The following ANO10 variants were observed in gnomAD, a reference collection of about 807,000 sequenced individuals.
ANO10 encodes anoctamin-10.
ANO10 carries 77 observed loss-of-function variants against 74.7 expected under a neutral mutation model. That is an observed-to-expected ratio of 1.03 (90% CI 0.86 to 1.25). ANO10 has a LOEUF of 1.25. Among genes scored for constraint, ANO10 ranks in the 50% most tolerant of loss-of-function variants. The pLI, the probability that ANO10 is intolerant of heterozygous loss-of-function variation, is 0.00. For missense variants in ANO10, 721 were observed against 778.1 expected, an observed-to-expected ratio of 0.93 and a Z score of 0.87; for synonymous variants, 279 against 284.9, an observed-to-expected ratio of 0.98 and a Z score of 0.21.
At chr3:43,384,042 C>A (rs1453544053) in intron 12 of ANO10, among the ~76,000 whole-genome samples, 1 of 152,162 alleles carries the variant, frequency 6.6e-6, no homozygotes, top group African/African-American at 2.4e-5. Context: ...CCAAAAAGTT[C>A]CTAGAACTGG....
At position 43,432,481 on chromosome 3, in the gene ANO10, C is replaced by T. The variant is rs2092997629; in HGVS notation, c.1914+130G>A. 7 of 776,070 alleles carry T rather than the reference C, an allele frequency of 9.0e-6. No homozygotes were observed. The Admixed American group carries it at 1.2e-4, about 13-fold the overall frequency. The allele number at this position is 776,070 out of a possible 1,614,324, so 48.1% of individuals were successfully genotyped here. ...TTTGGTTTTGTTATGTCATCCTGAA[C>T]TGGAGTCCTCTGTATTCATTTAAAC... is the stretch of plus-strand genomic sequence containing the variant. On this transcript the variant is annotated intron_variant, in intron 12 of 12. Coordinates refer to ENST00000292246, the MANE Select transcript of ANO10 (RefSeq NM_018075.5).
chr3:43,657,242 T>C (rs2083867993), intron 1 of ANO10, among the ~76,000 whole-genome samples: 3 of 152,218 alleles, frequency 2.0e-5, no homozygotes, highest in African/African-American at 4.8e-5. Context: ...AGTCTGGGAG[T>C]AGCAATGCTC....
At chr3:43,652,796 T>C (rs377524366) in intron 1 of ANO10, among the ~76,000 whole-genome samples, 1 of 152,128 alleles carries the variant, frequency 6.6e-6, no homozygotes, top group East Asian at 1.9e-4. Flanking sequence ...TATACTTGAT[T>C]ATAAATTATT....
chr3:43,466,200 G>A (rs2075604208), intron 11 of ANO10, among the ~76,000 whole-genome samples: 1 of 151,692 alleles, frequency 6.6e-6, no homozygotes, highest in South Asian at 2.1e-4. Flanking sequence ...GTGAAACCCT[G>A]TCTCTACTAA....
intron 1 of ANO10, among the ~76,000 whole-genome samples, chr3:43,645,981 G>A (rs1301009681): frequency 1.3e-5 from 2 of 151,884 alleles, no homozygotes; most frequent in East Asian, 3.9e-4. Flanking sequence ...CTAATTTTTT[G>A]TATTTTTGGT....
chr3:43,486,274 C>T (rs1168143949), intron 11 of ANO10, among the ~76,000 whole-genome samples: 1 of 152,210 alleles, frequency 6.6e-6, no homozygotes, highest in African/African-American at 2.4e-5. Context: ...CCCCTATAAC[C>T]TGTCTTGCCA....
chr3:43,598,632 A>G lies in ANO10; in HGVS notation c.372T>C (p.Cys124=), dbSNP rs779565752. ...NNDDFLTMAE[C]QFIIKHELEN... ...CAAGTTCATGTTTGATAATGAATTG[A>G]CATTCTGCCATTGTCAGGAAATCAT... Residue 124 remains cysteine (C), a synonymous_variant, in exon 4 of 13, where the codon TGT becomes TGC. Transcript: ENST00000292246. 3.7e-6 allele frequency: 6 copies of G among 1,609,912 alleles called. No homozygotes were observed. The African/African-American group carries it at 5.3e-5, about 14-fold the overall frequency.
intron 1 of ANO10, among the ~76,000 whole-genome samples, chr3:43,652,203 G>C (rs986472569): frequency 5.3e-5 from 8 of 151,278 alleles, no homozygotes; most frequent in African/African-American, 1.9e-4. Context: ...TTTTGAAAAA[G>C]AAGAACAAAG....
chr3:43,507,770 T>C (rs1333742989), intron 11 of ANO10, among the ~76,000 whole-genome samples: 1 of 152,148 alleles, frequency 6.6e-6, no homozygotes, highest in Non-Finnish European at 1.5e-5. Context: ...GGGGCCGTTC[T>C]GTCACTATTA....
At chr3:43,502,505 C>T (rs1242532058) in intron 11 of ANO10, among the ~76,000 whole-genome samples, 1 of 152,186 alleles carries the variant, frequency 6.6e-6, no homozygotes, top group Non-Finnish European at 1.5e-5. Context: ...TCACCTTGCA[C>T]CACAAGTGGA....
intron 1 of ANO10, among the ~76,000 whole-genome samples, chr3:43,614,694 A>G (rs2082996972): frequency 6.7e-6 from 1 of 149,292 alleles, no homozygotes; most frequent in Admixed American, 6.7e-5. Flanking sequence ...AAGAAAAATA[A>G]TATTAAACGT....
chr3:43,438,538 A>G (rs1420948342), intron 11 of ANO10, among the ~76,000 whole-genome samples: 2 of 152,040 alleles, frequency 1.3e-5, no homozygotes, highest in Non-Finnish European at 2.9e-5. Flanking sequence ...TGAGGTTAGG[A>G]GTTCAAGACA....
At chr3:43,645,001 C>T (rs192033034) in intron 1 of ANO10, among the ~76,000 whole-genome samples, 1 of 152,276 alleles carries the variant, frequency 6.6e-6, no homozygotes, top group Admixed American at 6.5e-5. Context: ...AAATACATAC[C>T]AATCCATCTG....
chr3:43,631,144 G>A (rs1037665338), intron 1 of ANO10, among the ~76,000 whole-genome samples: 1 of 152,192 alleles, frequency 6.6e-6, no homozygotes, highest in Admixed American at 6.5e-5. Context: ...ACTGCTTCCT[G>A]CAAATAAATG....
chr3:43,644,011 A>G (rs2083701407), intron 1 of ANO10, among the ~76,000 whole-genome samples: 1 of 151,942 alleles, frequency 6.6e-6, no homozygotes, highest in Admixed American at 6.6e-5. Context: ...CTGGTCTGTC[A>G]TTTGTTTTTT....
intron 12 of ANO10, among the ~76,000 whole-genome samples, chr3:43,386,864 G>A (rs1401478857): frequency 1.3e-5 from 2 of 152,106 alleles, no homozygotes; most frequent in Non-Finnish European, 2.9e-5. Context: ...TAAGGGTGGG[G>A]CTTTCCTAGG....
Position 43,598,585 on chromosome 3 carries a change from T to C in ANO10, c.419A>G (p.Glu140Gly), listed in dbSNP as rs767569407. 1.4e-5 allele frequency: 23 copies of C among 1,612,924 alleles called. No homozygotes were observed. The highest frequency in any genetic ancestry group is 2.2e-5 in the South Asian group (2 of 90,952). ...HELENLRAKD[E>G]KMIPGYPQAK... Reference sequence around the variant, plus strand: ...CTGAGGGTAACCAGGGATCATTTTTTCATCTTTAGCTCTAAGATTTTCAAG... The same window carrying C: ...CTGAGGGTAACCAGGGATCATTTTTCCATCTTTAGCTCTAAGATTTTCAAG... The change falls in exon 4 of 13, where the codon GAA becomes GGA. Residue 140 changes from glutamate (E) to glycine (G), a missense_variant. Physicochemically the swap from Glu to Gly is moderately conservative, Grantham distance 98 (BLOSUM62 -2). Transcript: ENST00000292246.
intron 4 of ANO10, among the ~76,000 whole-genome samples, chr3:43,594,357 G>A (rs1033172119): frequency 1.6e-4 from 25 of 152,102 alleles, no homozygotes; most frequent in Admixed American, 9.2e-4. Context: ...CCACATAGTC[G>A]GAAGTAAAGT....
intron 11 of ANO10, among the ~76,000 whole-genome samples, chr3:43,438,872 A>G (rs928818833): frequency 3.3e-5 from 5 of 152,200 alleles, no homozygotes; most frequent in African/African-American, 1.2e-4. Context: ...ACAACAAAAG[A>G]AGAAAAGTGA....
Sources: allele counts gnomAD v4.1 joint callset (sites outside exome capture counted in the v4.1 genomes callset), GRCh38; gene constraint gnomAD v4.1.1; transcripts MANE v1.5; gene names NCBI Gene and HGNC (gene_info 2026-07-23, HGNC 2026-07-21).